The following ARHGAP24 variants were observed in gnomAD, a reference collection of about 807,000 sequenced individuals.
The protein encoded by ARHGAP24 is Rho GTPase activating protein 24, also known as rho GTPase-activating protein 24.
A neutral mutation model predicts 76.4 loss-of-function variants in ARHGAP24; 50 were observed. That is an observed-to-expected ratio of 0.65 (90% CI 0.52 to 0.83). The LOEUF (loss-of-function observed/expected upper bound fraction) is 0.83. Ranked by LOEUF, ARHGAP24 falls within the 40% of genes least tolerant of loss-of-function variation. The pLI, the probability that ARHGAP24 is intolerant of heterozygous loss-of-function variation, is 0.00. For synonymous variants in ARHGAP24, 345 were observed against 323.3 expected (o/e 1.07, Z -0.72); for missense variants, 930 against 914.2 (o/e 1.02, Z -0.22).
intron 3 of ARHGAP24, among the ~76,000 whole-genome samples, chr4:85,821,746 A>G (rs1378994362): frequency 1.3e-5 from 2 of 152,186 alleles, no homozygotes; most frequent in Middle Eastern, 3.2e-3. Context: ...ATCAACCAAG[A>G]TGAGATTTAG....
At chr4:85,818,505 G>C (rs1041857052) in intron 3 of ARHGAP24, among the ~76,000 whole-genome samples, 1 of 152,150 alleles carries the variant, frequency 6.6e-6, no homozygotes, top group African/African-American at 2.4e-5. Flanking sequence ...GGTCAAATAG[G>C]TTCTTGTCAT....
At chr4:85,707,338 C>CT (rs1201139540) in intron 2 of ARHGAP24, among the ~76,000 whole-genome samples, 2 of 151,928 alleles carry the variant, frequency 1.3e-5, no homozygotes, top group Non-Finnish European at 2.9e-5. Flanking sequence ...CCTGTTTGTG[C>CT]TTTTTTTTCC....
At chr4:86,000,376 G>T (rs952846566) in intron 9 of ARHGAP24, 103 bp from the exon 10 acceptor site, 3 of 924,698 alleles carry the variant, frequency 3.2e-6, no homozygotes, top group Non-Finnish European at 5.2e-6. Context: ...ATCATAAAGA[G>T]TTTAGAAAAT....
At chr4:85,839,518 T>C (rs946896809) in intron 3 of ARHGAP24, among the ~76,000 whole-genome samples, 6 of 152,182 alleles carry the variant, frequency 3.9e-5, no homozygotes, top group African/African-American at 1.4e-4. Context: ...TGGCCTGATC[T>C]CGGCTCACTG....
intron 3 of ARHGAP24, among the ~76,000 whole-genome samples, chr4:85,724,489 GTGTATATATATATATATATATATATA>G (rs749837221): frequency 2.3e-5 from 3 of 131,464 alleles, no homozygotes; most frequent in Non-Finnish European, 3.1e-5. Context: ...TTTTCCATGT[GTGTATATATATATATATATATATATA>G]TATATATATA....
At position 85,949,120 on chromosome 4, in the gene ARHGAP24, G is replaced by A. The variant is rs930439710; in HGVS notation, c.599+6847G>A. On this transcript the variant is annotated intron_variant, in intron 5 of 9. Coordinates refer to ENST00000395184, the MANE Select transcript of ARHGAP24 (RefSeq NM_001025616.3). ...TAGTCTTGTTAATTTTTCCAGCACC[G>A]TTTAATAAGCATTTACCTTTCTCTA... Among the ~76,000 whole-genome samples the A allele has an allele frequency of 3.9e-5, 6 of 152,064 alleles. No homozygotes were observed. In the East Asian group the frequency reaches 5.8e-4, roughly 15 times the overall value.
At chr4:85,616,856 G>A (rs2110000217) in intron 2 of ARHGAP24, among the ~76,000 whole-genome samples, 1 of 152,170 alleles carries the variant, frequency 6.6e-6, no homozygotes, top group South Asian at 2.1e-4. Context: ...TTGAACTCCT[G>A]ACCTTGGATG....
chr4:85,730,406 G>GT (rs1354909194), intron 3 of ARHGAP24, among the ~76,000 whole-genome samples: 1 of 150,602 alleles, frequency 6.6e-6, no homozygotes, highest in Non-Finnish European at 1.5e-5. Flanking sequence ...TACATTAGCT[G>GT]TTTTTTGTTT....
Position 85,529,623 on chromosome 4 carries a change from G to A in ARHGAP24, c.-20-40899G>A, listed in dbSNP as rs374555332. 5.9e-5 allele frequency among the ~76,000 whole-genome samples: 9 copies of A among 152,022 alleles called. No homozygotes were observed. The South Asian group carries it at 1.7e-3, about 28-fold the overall frequency. On this transcript the variant is annotated intron_variant, in intron 1 of 9. Coordinates refer to ENST00000395184, the MANE Select transcript of ARHGAP24 (RefSeq NM_001025616.3). Reference sequence around the variant, plus strand: ...TGTAGGATGTCAAGCATCATCCTTAGCCTCTATTCACTAGATGCCAGTAGA... The same window carrying A: ...TGTAGGATGTCAAGCATCATCCTTAACCTCTATTCACTAGATGCCAGTAGA...
At chr4:85,642,047 A>G (rs1025290302) in intron 2 of ARHGAP24, among the ~76,000 whole-genome samples, 2 of 152,134 alleles carry the variant, frequency 1.3e-5, no homozygotes, top group Non-Finnish European at 2.9e-5. Flanking sequence ...TTCCTTCATC[A>G]TAGGTGTGGG....
intron 2 of ARHGAP24, among the ~76,000 whole-genome samples, chr4:85,612,764 A>G (rs1720435153): frequency 6.7e-6 from 1 of 150,070 alleles, no homozygotes; most frequent in Admixed American, 6.7e-5. Flanking sequence ...ATACACAGAT[A>G]ACAGCTAAAG....
intron 3 of ARHGAP24, among the ~76,000 whole-genome samples, chr4:85,889,158 C>T (rs372466235): frequency 3.3e-5 from 5 of 152,244 alleles, no homozygotes; most frequent in African/African-American, 7.2e-5. Context: ...ATGAATATCC[C>T]ACACCATTTA....
intron 3 of ARHGAP24, among the ~76,000 whole-genome samples, chr4:85,881,555 A>G (rs1459874561): frequency 6.6e-6 from 1 of 152,126 alleles, no homozygotes; most frequent in African/African-American, 2.4e-5. Flanking sequence ...CGGTGATTTC[A>G]AAGAATTGTA....
At chr4:85,477,865 T>C (rs1298684529) in intron 1 of ARHGAP24, among the ~76,000 whole-genome samples, 1 of 152,174 alleles carries the variant, frequency 6.6e-6, no homozygotes. Flanking sequence ...CTGTTCTTAG[T>C]GTGTGTGGTG....
At chr4:85,480,799 A>G (rs1383010091) in intron 1 of ARHGAP24, among the ~76,000 whole-genome samples, 1 of 152,106 alleles carries the variant, frequency 6.6e-6, no homozygotes, top group Non-Finnish European at 1.5e-5. Flanking sequence ...GCCAAACATG[A>G]GTTCTTTTCA....
chr4:85,568,960 C>T (rs1249149625), intron 1 of ARHGAP24, among the ~76,000 whole-genome samples: 1 of 152,166 alleles, frequency 6.6e-6, no homozygotes, highest in Non-Finnish European at 1.5e-5. Flanking sequence ...AACGAAAGTT[C>T]TGCTTCATCC....
chr4:85,995,464 C>T lies in ARHGAP24; in HGVS notation c.1810C>T (p.Pro604Ser). 1.2e-6 allele frequency: 2 copies of T among 1,604,148 alleles called. No individual in the cohort carries two copies. Among genetic ancestry groups the T allele is most frequent in the Non-Finnish European group, 1.7e-6 (2 of 1,173,836 alleles). ...GCCCCCGCAGGACGACCTTTCCCAC[C>T]CCAGGGACTATGAAAGCAAAAGTGA... is the stretch of plus-strand genomic sequence containing the variant. ...DGPPQDDLSH[P>S]RDYESKSDHR... The change falls in exon 9 of 10, where the codon CCC becomes TCC. Residue 604 changes from proline to serine, a missense_variant. Coordinates refer to ENST00000395184, the MANE Select transcript of ARHGAP24 (RefSeq NM_001025616.3).
At chr4:85,992,041 G>A in intron 8 of ARHGAP24, 1 of 396,202 alleles carries the variant, frequency 2.5e-6, no homozygotes, top group East Asian at 3.6e-5. Flanking sequence ...TATGGTTCAG[G>A]GAAGAATTGC....
chr4:85,679,198 C>T (rs1723109361), intron 2 of ARHGAP24, among the ~76,000 whole-genome samples: 1 of 151,698 alleles, frequency 6.6e-6, no homozygotes, highest in Admixed American at 6.6e-5. Context: ...GGTAGCAGCC[C>T]TCAGAGAGAA....
Sources: allele counts gnomAD v4.1 joint callset (sites outside exome capture counted in the v4.1 genomes callset), GRCh38; gene constraint gnomAD v4.1.1; transcripts MANE v1.5; gene names NCBI Gene and HGNC (gene_info 2026-07-23, HGNC 2026-07-21).